Variants in HPGDS observed in about 807,000 individuals in gnomAD.
The protein encoded by HPGDS is GST class-sigma.
In HPGDS, 26 loss-of-function variants were observed where a neutral mutation model predicts 23.1. That is an observed-to-expected ratio of 1.13 (90% CI 0.83 to 1.56). HPGDS has a LOEUF of 1.56. HPGDS is among the 40% of genes most tolerant of loss of function. The pLI is 0.00. For synonymous variants in HPGDS, 95 were observed against 77.9 expected (o/e 1.22, Z -1.16); for missense variants, 268 against 236.4 (o/e 1.13, Z -0.88).
chr4:94,335,775 AATG>A (rs1720996014), intron 1 of HPGDS, among the ~76,000 whole-genome samples: 2 of 152,232 alleles, frequency 1.3e-5, no homozygotes, highest in South Asian at 2.1e-4. Flanking sequence ...AAAAGCATAT[AATG>A]ATGATTATTT....
At chr4:94,321,548 G>A (rs1756509291) in intron 2 of HPGDS, among the ~76,000 whole-genome samples, 1 of 152,170 alleles carries the variant, frequency 6.6e-6, no homozygotes, top group Admixed American at 6.5e-5. Flanking sequence ...GTTAATTCAT[G>A]ATTTGGCTCT....
Position 94,302,166 on chromosome 4 carries a change from C to G in HPGDS, c.415G>C (p.Glu139Gln). 3.1e-6 allele frequency: 5 copies of G among 1,610,846 alleles called. No homozygotes were observed. The highest frequency in any genetic ancestry group is 4.2e-6 in the Non-Finnish European group (5 of 1,177,488). The change falls in exon 5 of 6, where the codon GAA (glutamate) becomes CAA (glutamine). Residue 139 changes from glutamate (E) to glutamine (Q), a missense_variant. Glu to Gln is a conservative substitution (Grantham distance 29). Coordinates refer to ENST00000295256, the MANE Select transcript of HPGDS (RefSeq NM_014485.3). ...CTCACAGAGTTACCAATAAGCCATT[C>G]TCTCCCCCCTAAATATGTGTCCAAG... The part of the protein sequence containing the change: ...QDLDTYLGGR[E>Q]WLIGNSVTWA...
At chr4:94,303,801 C>A (rs1045973727) in intron 4 of HPGDS, 1 of 152,076 alleles carries the variant, frequency 6.6e-6, no homozygotes, top group African/African-American at 2.4e-5. Context: ...ACGTGCATTT[C>A]CAGAGCTTCA....
rs754130316 is a variant in HPGDS, at chr4:94,308,663, G to A, written c.307C>T (p.Pro103Ser). ...ACATCTTGCTTTTTCTCTGCCCAAG[G>A]AAAACATGACATGAAATCATCCAGA... The part of the protein sequence containing the change: ...DTLDDFMSCF[P>S]WAEKKQDVKE... The change falls in exon 4 of 6, where the codon CCT becomes TCT. Residue 103 changes from proline (P) to serine (S), a missense_variant. By Grantham distance (74) the Pro-to-Ser change is moderately conservative. Transcript: ENST00000295256. 1.2e-6 allele frequency: 2 copies of A among 1,604,674 alleles called. No homozygotes were observed. Among genetic ancestry groups the A allele is most frequent in the Non-Finnish European group, 1.7e-6 (2 of 1,173,370 alleles).
chr4:94,334,331 A>G, intron 2 of HPGDS, 166 bp downstream of exon 2: 3 of 521,244 alleles, frequency 5.8e-6, no homozygotes, highest in Non-Finnish European at 6.4e-6. Context: ...TTCACCTCTA[A>G]TAGGAAATTT....
chr4:94,317,737 T>C, intron 3 of HPGDS, 136 bp downstream of exon 3: 1 of 540,876 alleles, frequency 1.8e-6, no homozygotes, highest in Non-Finnish European at 3.2e-6. Context: ...AGGTGGTATA[T>C]TTATACTTTT....
intron 3 of HPGDS, among the ~76,000 whole-genome samples, chr4:94,310,311 G>A (rs1191954501): frequency 2.0e-5 from 3 of 152,136 alleles, no homozygotes; most frequent in Non-Finnish European, 2.9e-5. Context: ...TTTTGTATAA[G>A]GTGTAAGGAA....
intron 2 of HPGDS, among the ~76,000 whole-genome samples, chr4:94,325,871 C>T (rs866619922): frequency 1.4e-4 from 21 of 152,130 alleles, no homozygotes; most frequent in Admixed American, 7.9e-4. Context: ...GCATCAGTCA[C>T]GCTGGGAGCT....
intron 2 of HPGDS, among the ~76,000 whole-genome samples, chr4:94,326,978 T>C (rs566501391): frequency 7.2e-5 from 11 of 152,248 alleles, no homozygotes; most frequent in Non-Finnish European, 1.6e-4. Context: ...ATAGTCAGCA[T>C]CAGTGGTGTC....
intron 3 of HPGDS, among the ~76,000 whole-genome samples, chr4:94,314,983 C>T (rs1223800417): frequency 4.6e-5 from 7 of 152,324 alleles, no homozygotes; most frequent in African/African-American, 1.4e-4. Flanking sequence ...CTAAGACTGT[C>T]GGAAACGCGC....
intron 2 of HPGDS, among the ~76,000 whole-genome samples, chr4:94,322,192 C>T (rs575583623): frequency 5.9e-4 from 87 of 147,314 alleles, no homozygotes; most frequent in African/African-American, 2.2e-3. Context: ...ATTTTCCCAT[C>T]GATGTTCATC....
chr4:94,321,098 C>G (rs1159316327), intron 2 of HPGDS, among the ~76,000 whole-genome samples: 1 of 152,040 alleles, frequency 6.6e-6, no homozygotes, highest in Non-Finnish European at 1.5e-5. Flanking sequence ...TTTCTGAGGC[C>G]TCTGTTCTGT....
At chr4:94,334,725 T>C (rs1720953157) in intron 1 of HPGDS, 87 bp from the exon 2 acceptor site, 3 of 1,217,226 alleles carry the variant, frequency 2.5e-6, no homozygotes, top group East Asian at 2.4e-5. Context: ...GAAAACTTTA[T>C]GGCATCTCTT....
intron 5 of HPGDS, among the ~76,000 whole-genome samples, chr4:94,300,323 G>A (rs1756016094): frequency 6.6e-6 from 1 of 152,188 alleles, no homozygotes; most frequent in African/African-American, 2.4e-5. Flanking sequence ...TGCCAAGATT[G>A]GCCACTGGAT....
intron 3 of HPGDS, 28 bp from the exon 4 acceptor site, chr4:94,308,771 A>T (rs987510805): frequency 8.4e-7 from 1 of 1,193,516 alleles, no homozygotes; most frequent in African/African-American, 1.5e-5. Context: ...GCCCATCAAT[A>T]TGTTTAATTT....
intron 2 of HPGDS, among the ~76,000 whole-genome samples, chr4:94,332,537 G>C (rs1756753330): frequency 6.6e-6 from 1 of 152,204 alleles, no homozygotes; most frequent in South Asian, 2.1e-4. Flanking sequence ...CAACCTGGGT[G>C]CTGCTGCAGG....
chr4:94,314,411 C>A (rs556040827), intron 3 of HPGDS, among the ~76,000 whole-genome samples: 37 of 152,198 alleles, frequency 2.4e-4, no homozygotes, highest in Non-Finnish European at 4.8e-4. Flanking sequence ...CCACTCCGGA[C>A]CCTTTTTGCC....
chr4:94,340,911 C>T (rs1181107737), intron 1 of HPGDS, among the ~76,000 whole-genome samples: 3 of 137,402 alleles, frequency 2.2e-5, no homozygotes, highest in Admixed American at 1.5e-4. Flanking sequence ...GTGGCGCAAT[C>T]TCGGCTCACT....
intron 1 of HPGDS, among the ~76,000 whole-genome samples, chr4:94,338,938 G>A (rs1281381899): frequency 6.6e-6 from 1 of 152,184 alleles, no homozygotes; most frequent in African/African-American, 2.4e-5. Flanking sequence ...GAACAGGAGA[G>A]GAGGACCTGA....
Sources: allele counts gnomAD v4.1 joint callset (sites outside exome capture counted in the v4.1 genomes callset), GRCh38; gene constraint gnomAD v4.1.1; transcripts MANE v1.5; gene names NCBI Gene and HGNC (gene_info 2026-07-23, HGNC 2026-07-21).